Variants in PGM1 observed in about 807,000 individuals in gnomAD.
PGM1 encodes phosphoglucomutase 1.
In PGM1, 52 loss-of-function variants were observed where a neutral mutation model predicts 55.6. The observed-to-expected ratio is 0.94, with a 90% CI of 0.75 to 1.18. The LOEUF (loss-of-function observed/expected upper bound fraction) is 1.18, where lower values mean the gene tolerates loss of function less well. Among genes scored for constraint, PGM1 ranks in the 50% most tolerant of loss-of-function variants. PGM1 has a pLI of 0.00. For synonymous variants in PGM1, 287 were observed against 271.7 expected, an observed-to-expected ratio of 1.06 and a Z score of -0.55; for missense variants, 724 against 729.3, an observed-to-expected ratio of 0.99 and a Z score of 0.08.
Position 63,629,441 on chromosome 1 carries a change from T to C in PGM1, c.263T>C (p.Ile88Thr), listed in dbSNP as rs766143717. ...TTCTCCTAGATCGGTCGCTTGGTTA[T>C]CGGACAGAATGGAATCCTCTCCACC... ...AAANGIGRLV[I>T]GQNGILSTPA... The change falls in exon 2 of 11, where the codon ATC becomes ACC. Residue 88 changes from isoleucine (I) to threonine (T), a missense_variant. Around this residue, in one of 3 missense-constraint regions of PGM1, gnomAD observed 379 missense variants for 357.5 expected, o/e 1.06. Coordinates refer to ENST00000371084, the MANE Select transcript of PGM1 (RefSeq NM_002633.3). 3.1e-6 allele frequency: 5 copies of C among 1,613,624 alleles called. No homozygotes were observed. The highest frequency in any genetic ancestry group is 4.2e-6 in the Non-Finnish European group (5 of 1,179,586).
At chr1:63,638,648 C>T (rs749385958) in intron 6 of PGM1, 37 bp from the exon 7 acceptor site, 2 of 1,382,706 alleles carry the variant, frequency 1.4e-6, no homozygotes, top group South Asian at 2.3e-5. Flanking sequence ...CGCTAACAGT[C>T]CTGCTGTGAT....
chr1:63,612,205 C>G (rs565025625), intron 1 of PGM1, among the ~76,000 whole-genome samples: 1 of 151,702 alleles, frequency 6.6e-6, no homozygotes, highest in Non-Finnish European at 1.5e-5. Flanking sequence ...TGCAGTGAGC[C>G]GAGATCACAC....
rs775420042 is a variant in PGM1 at position 63,630,011 on chromosome 1, G to T, written c.479G>T (p.Cys160Phe). The change falls in exon 3 of 11, where the codon TGC (cysteine) becomes TTC (phenylalanine). Residue 160 changes from cysteine (C) to phenylalanine (F), a missense_variant. Physicochemically the swap from Cys to Phe is radical, Grantham distance 205 (BLOSUM62 -2). Coordinates refer to ENST00000371084, the MANE Select transcript of PGM1 (RefSeq NM_002633.3). ...AAGACAATTGAAGAATATGCAGTTT[G>T]CCCTGACCTGAAAGTAGACCTTGGT... ...ISKTIEEYAVCPDLKVDLGVL... is the reference protein window; with the variant it reads ...ISKTIEEYAVFPDLKVDLGVL... 1.2e-6 allele frequency: 2 copies of T among 1,613,812 alleles called. No individual in the cohort carries two copies. The highest frequency in any genetic ancestry group is 2.7e-5 in the African/African-American group (2 of 74,898).
intron 1 of PGM1, among the ~76,000 whole-genome samples, chr1:63,616,058 A>G (rs61104081): frequency 6.6e-6 from 1 of 151,992 alleles, no homozygotes; most frequent in African/African-American, 2.4e-5. Context: ...AAATAAAGCG[A>G]TTCCTTAACT....
chr1:63,594,749 C>T (rs1403810614), intron 1 of PGM1, among the ~76,000 whole-genome samples: 3 of 140,700 alleles, frequency 2.1e-5, no homozygotes, highest in Non-Finnish European at 4.5e-5. Context: ...CGAGACCATT[C>T]TGGCTAACAC....
At chr1:63,619,419 T>A in intron 1 of PGM1, among the ~76,000 whole-genome samples, 1 of 152,190 alleles carries the variant, frequency 6.6e-6, no homozygotes, top group East Asian at 1.9e-4. Context: ...GAGTTGAAGT[T>A]GTGTGTAGAA....
At chr1:63,630,528 C>G (rs548602991) in intron 3 of PGM1, among the ~76,000 whole-genome samples, 4 of 152,282 alleles carry the variant, frequency 2.6e-5, no homozygotes, top group African/African-American at 9.6e-5. Flanking sequence ...GTAACAGGCT[C>G]AAGGTCACAG....
intron 3 of PGM1, among the ~76,000 whole-genome samples, chr1:63,630,446 A>T (rs568041428): frequency 6.6e-6 from 1 of 152,220 alleles, no homozygotes; most frequent in Non-Finnish European, 1.5e-5. Flanking sequence ...TTATTCTCAC[A>T]GTAGATCTGT....
chr1:63,659,550 A>G, intron 10 of PGM1, 36 bp from the exon 11 acceptor site: 1 of 1,517,274 alleles, frequency 6.6e-7, no homozygotes, highest in South Asian at 1.1e-5. Context: ...TGTTTAGAGG[A>G]AGTGATGGAA....
At chr1:63,652,731 G>A (rs187003178) in intron 9 of PGM1, among the ~76,000 whole-genome samples, 3 of 152,186 alleles carry the variant, frequency 2.0e-5, no homozygotes, top group South Asian at 2.1e-4. Flanking sequence ...GGGCCGGGCC[G>A]TGGGATTTAC....
chr1:63,650,254 G>A (rs1433861805), intron 8 of PGM1, among the ~76,000 whole-genome samples: 1 of 152,192 alleles, frequency 6.6e-6, no homozygotes, highest in Non-Finnish European at 1.5e-5. Context: ...AGGTAGCTGA[G>A]ATTCTGAGAG....
rs185872914 is a variant in PGM1 at position 63,612,572 on chromosome 1, T to C, written c.247-16853T>C. Among the ~76,000 whole-genome samples the C allele has an allele frequency of 2.6e-4, 39 of 152,284 alleles. No individual in the cohort carries two copies. The East Asian group carries it at 4.6e-3, about 18-fold the overall frequency. On this transcript the variant is annotated intron_variant, in intron 1 of 10. Coordinates refer to ENST00000371084, the MANE Select transcript of PGM1 (RefSeq NM_002633.3). The stretch of plus-strand genomic sequence containing the variant: ...TTTCTCGCTTGCATTCATCTCTTTT[T>C]CTCTCTTACTCTCACCACTTTTCTA...
At chr1:63,655,903 G>C (rs1057268830) in intron 10 of PGM1, 4 of 152,400 alleles carry the variant, frequency 2.6e-5, no homozygotes, top group Admixed American at 6.5e-5. Flanking sequence ...TCCCGAGAGG[G>C]GAACCACCAG....
chr1:63,644,007 C>T (rs1373086293), intron 7 of PGM1, among the ~76,000 whole-genome samples: 1 of 152,224 alleles, frequency 6.6e-6, no homozygotes, highest in East Asian at 1.9e-4. Flanking sequence ...TTTCAGCTGT[C>T]ATGCCCCCAT....
chr1:63,633,916 G>GTA (rs1649277097), intron 4 of PGM1, among the ~76,000 whole-genome samples: 1 of 33,298 alleles, frequency 3.0e-5, no homozygotes, highest in Non-Finnish European at 4.7e-5. Context: ...GTGTGTGTGT[G>GTA]TGTATATATA....
chr1:63,649,106 T>C (rs72922613), intron 8 of PGM1, among the ~76,000 whole-genome samples: 9,141 of 152,272 alleles, frequency 0.06, 957 homozygotes, highest in African/African-American at 0.21. Context: ...TTTGTTAACT[T>C]TGGGGCACTG....
At chr1:63,630,198 C>T (rs991122844) in intron 3 of PGM1, 110 bp downstream of exon 3, 3 of 1,091,320 alleles carry the variant, frequency 2.7e-6, no homozygotes, top group Non-Finnish European at 4.2e-6. Flanking sequence ...TCCGTGAGTG[C>T]TCTGTAAGCT....
chr1:63,622,136 T>C (rs1648896526), intron 1 of PGM1, among the ~76,000 whole-genome samples: 1 of 152,142 alleles, frequency 6.6e-6, no homozygotes, highest in Admixed American at 6.5e-5. Flanking sequence ...GCAATTCTCC[T>C]GCCTCAGCCT....
chr1:63,647,229 C>T (rs56002673), intron 7 of PGM1, among the ~76,000 whole-genome samples: 2,003 of 134,528 alleles, frequency 0.015, 55 homozygotes, highest in African/African-American at 0.05. Context: ...GGCGAAAGAG[C>T]GAAACTCCGT....
Sources: allele counts gnomAD v4.1 joint callset (sites outside exome capture counted in the v4.1 genomes callset), GRCh38; gene constraint gnomAD v4.1.1; regional missense constraint gnomAD v4.1.1; transcripts MANE v1.5; gene names NCBI Gene and HGNC (gene_info 2026-07-23, HGNC 2026-07-21).